The following KL variants were observed in gnomAD, a reference collection of about 807,000 sequenced individuals.
KL encodes the protein klotho, also known as alpha-klotho.
In KL, 62 loss-of-function variants were observed where a neutral mutation model predicts 84.2. The observed-to-expected ratio is 0.74, with a 90% CI of 0.60 to 0.91. The LOEUF is 0.91. Among genes scored for constraint, KL ranks in the 40% least tolerant of loss-of-function variants. KL has a pLI of 0.00. For synonymous variants in KL, 528 were observed against 528.0 expected, an observed-to-expected ratio of 1.00 and a Z score of 0.00; for missense variants, 1,261 against 1,305.7, an observed-to-expected ratio of 0.97 and a Z score of 0.53.
chr13:33,049,225 C>A (rs893019630), intron 1 of KL, among the ~76,000 whole-genome samples: 1 of 152,082 alleles, frequency 6.6e-6, no homozygotes, highest in Non-Finnish European at 1.5e-5. Context: ...AAATAAGAAC[C>A]AGAGTAGCTT....
intron 1 of KL, among the ~76,000 whole-genome samples, chr13:33,024,918 G>T (rs894737387): frequency 1.3e-5 from 2 of 152,104 alleles, no homozygotes; most frequent in African/African-American, 2.4e-5. Flanking sequence ...CTCACCAAAG[G>T]TATACTGCTT....
intron 1 of KL, among the ~76,000 whole-genome samples, chr13:33,029,059 T>C (rs926193758): frequency 2.0e-5 from 3 of 152,250 alleles, no homozygotes; most frequent in Non-Finnish European, 4.4e-5. Context: ...TTCTTGTAAG[T>C]TGTTCTGACA....
chr13:33,016,436 GCAGCATGCCCGCCAGCGCCCCGCCGC>G lies in KL; in HGVS notation c.-4_22del. 1.1e-6 allele frequency: 1 copy of G among 946,838 alleles called. No homozygotes were observed. 58.7% of individuals were successfully genotyped at this position (946,838 alleles called of 1,614,324 possible). Reference sequence around the variant, plus strand: ...CGGGGCCCCGGAGCCTGGCTCCCGCGCAGCATGCCCGCCAGCGCCCCGCCGCGCCGCCCGCGGCCGCCGCCGCCGTC... The same window carrying G: ...CGGGGCCCCGGAGCCTGGCTCCCGCGGCCGCCCGCGGCCGCCGCCGCCGTC... On this transcript the variant is annotated start_lost and 5_prime_UTR_variant, in exon 1 of 5. Coordinates refer to ENST00000380099, the MANE Select transcript of KL (RefSeq NM_004795.4).
rs546762570 is a variant in KL at position 33,024,515 on chromosome 13, A to G, written c.819+7256A>G. On this transcript the variant is annotated intron_variant, in intron 1 of 4. Transcript: ENST00000380099. ...GTGGTTGGAGTTCTCCCTGTGCCGG[A>G]CCCTGTAGAGAGTCCAGAGCCCTGG... Among the ~76,000 whole-genome samples, 5 of 152,228 alleles carry G rather than the reference A, an allele frequency of 3.3e-5. No individual in the cohort carries two copies. The South Asian group carries it at 8.3e-4, about 25-fold the overall frequency.
At chr13:33,031,459 T>C (rs1171673562) in intron 1 of KL, among the ~76,000 whole-genome samples, 1 of 152,194 alleles carries the variant, frequency 6.6e-6, no homozygotes, top group African/African-American at 2.4e-5. Flanking sequence ...TATAGAATAT[T>C]CTGCACGCTT....
intron 1 of KL, among the ~76,000 whole-genome samples, chr13:33,051,442 G>T (rs550201900): frequency 6.6e-6 from 1 of 152,126 alleles, no homozygotes; most frequent in Non-Finnish European, 1.5e-5. Flanking sequence ...GAAGTGGGAC[G>T]ATTGCTTGAG....
At chr13:33,018,124 C>A (rs1057479198) in intron 1 of KL, among the ~76,000 whole-genome samples, 1 of 152,094 alleles carries the variant, frequency 6.6e-6, no homozygotes, top group African/African-American at 2.4e-5. Flanking sequence ...AATTTAGGCA[C>A]CATTGTTTTG....
At chr13:33,042,853 C>A (rs186981831) in intron 1 of KL, among the ~76,000 whole-genome samples, 2 of 151,782 alleles carry the variant, frequency 1.3e-5, no homozygotes, top group Non-Finnish European at 2.9e-5. Flanking sequence ...GGCTAAGTTT[C>A]GTATTTTCAG....
intron 1 of KL, among the ~76,000 whole-genome samples, chr13:33,048,558 C>T (rs1888057): frequency 0.18 from 28,122 of 152,270 alleles, 2,866 homozygotes; most frequent in East Asian, 0.3. Context: ...TGGGAAATCT[C>T]ATGCAGACTT....
chr13:33,053,151 G>T (rs1871815952), intron 1 of KL, among the ~76,000 whole-genome samples: 1 of 152,170 alleles, frequency 6.6e-6, no homozygotes, highest in African/African-American at 2.4e-5. Flanking sequence ...GGGTCTGTGG[G>T]AAACCAGAAC....
chr13:33,054,570 C>G (rs910901512), intron 2 of KL, among the ~76,000 whole-genome samples: 20 of 152,018 alleles, frequency 1.3e-4, no homozygotes, highest in Non-Finnish European at 2.6e-4. Context: ...AAAACAAATC[C>G]CAGGATATCT....
chr13:33,055,020 T>G (rs749483987), intron 2 of KL, 27 bp from the exon 3 acceptor site: 5 of 1,614,090 alleles, frequency 3.1e-6, no homozygotes, highest in African/African-American at 1.3e-5. Context: ...AGGGTCATGT[T>G]GCTCTTGTCC....
intron 1 of KL, among the ~76,000 whole-genome samples, chr13:33,046,747 T>TTTTTTTTTTTTTTTTTTTTG (rs1871544441): frequency 6.9e-6 from 1 of 144,592 alleles, no homozygotes; most frequent in African/African-American, 2.7e-5. Context: ...AGATATATCT[T>TTTTTTTTTTTTTTTTTTTTG]GTTTTTTTTT....
chr13:33,016,619 C>T lies in KL; in HGVS notation c.179C>T (p.Thr60Ile), dbSNP rs1334776005. 2.6e-6 allele frequency: 4 copies of T among 1,542,978 alleles called. No homozygotes were observed. Among genetic ancestry groups the T allele is most frequent in the East Asian group, 2.4e-5 (1 of 41,164 alleles). Residue 60 changes from threonine to isoleucine, a missense_variant, in exon 1 of 5, where the codon ACC (threonine) becomes ATC (isoleucine). Physicochemically the swap from Thr to Ile is moderately conservative, Grantham distance 89. Coordinates refer to ENST00000380099, the MANE Select transcript of KL (RefSeq NM_004795.4). ...APEAAGLFQG[T>I]FPDGFLWAVG... ...GAGGCCGCGGGCCTCTTCCAGGGCA[C>T]CTTCCCCGACGGCTTCCTCTGGGCC...
chr13:33,024,142 C>G (rs1870673021), intron 1 of KL, among the ~76,000 whole-genome samples: 1 of 128,206 alleles, frequency 7.8e-6, no homozygotes, highest in Non-Finnish European at 1.8e-5. Context: ...GAAAAGACAT[C>G]TTTCACATAT....
In KL at chr13:33,061,022, C is replaced by T. The variant is rs780920370; in HGVS notation, c.1943C>T (p.Pro648Leu). The T allele has an allele frequency of 4.3e-6, 7 of 1,612,340 alleles. No individual in the cohort carries two copies. The highest frequency in any genetic ancestry group is 1.3e-5 in the African/African-American group (1 of 75,010). ...WQPMAPNQGL[P>L]RLLARQGAWE... is the part of the protein sequence containing the mutation. ...CCTATGGCCCCGAACCAAGGACTGCCGCGCCTCCTGGCCAGGCAGGGCGCC... is the reference window on the plus strand; with the variant it reads ...CCTATGGCCCCGAACCAAGGACTGCTGCGCCTCCTGGCCAGGCAGGGCGCC... Residue 648 changes from proline (P) to leucine (L), a missense_variant, in exon 4 of 5, where the codon CCG (proline) becomes CTG (leucine). Coordinates refer to ENST00000380099, the MANE Select transcript of KL (RefSeq NM_004795.4).
rs774307767 is a variant in KL, at chr13:33,055,222, G to C, written c.1506G>C (p.Glu502Asp). The part of the protein sequence containing the change: ...SSALFYQKLI[E>D]KNGFPPLPEN... ...CCTTGTTCTACCAAAAGCTGATAGAGAAAAATGGCTTCCCTCCTTTACCTG... is the reference window on the plus strand; with the variant it reads ...CCTTGTTCTACCAAAAGCTGATAGACAAAAATGGCTTCCCTCCTTTACCTG... The change falls in exon 3 of 5, where the codon GAG becomes GAC. Residue 502 changes from glutamate (E) to aspartate (D), a missense_variant. Physicochemically the swap from Glu to Asp is conservative, Grantham distance 45. Coordinates refer to ENST00000380099, the MANE Select transcript of KL (RefSeq NM_004795.4). 1 of 1,614,206 alleles carries C rather than the reference G, an allele frequency of 6.2e-7. No individual in the cohort carries two copies. The highest frequency in any genetic ancestry group is 1.7e-5 in the Admixed American group (1 of 60,026).
chr13:33,045,524 G>T (rs1022727254), intron 1 of KL, among the ~76,000 whole-genome samples: 1 of 151,984 alleles, frequency 6.6e-6, no homozygotes, highest in African/African-American at 2.4e-5. Flanking sequence ...CTTGTTGCCT[G>T]GGCTGGAGTG....
In KL at chr13:33,060,559, C is replaced by T. The variant is rs1872136436; in HGVS notation, c.1600-120C>T. On this transcript the variant is annotated intron_variant, in intron 3 of 4. Coordinates refer to ENST00000380099, the MANE Select transcript of KL (RefSeq NM_004795.4). ...CAATTTATGAAAAATAGTTCACATT[C>T]TCAGCTAGAAAGGCTTCTATTTTTG... is the stretch of plus-strand genomic sequence containing the variant. 10 of 1,106,592 alleles carry T rather than the reference C, an allele frequency of 9.0e-6. No homozygotes were observed. In the East Asian group the frequency reaches 2.4e-4, roughly 26 times the overall value. The allele number at this position is 1,106,592 out of a possible 1,614,324, so 68.5% of individuals were successfully genotyped here. A position where few individuals can be genotyped will look rare whatever the true frequency, so the allele number is the denominator to read the frequency against.
Sources: gnomAD v4.1 joint callset for allele counts (sites outside exome capture counted in the v4.1 genomes callset) on GRCh38, gnomAD v4.1.1 for gene constraint, MANE v1.5 for transcripts, NCBI Gene and HGNC (gene_info 2026-07-23, HGNC 2026-07-21) for gene names.